CNTNAP2: variants seen among roughly 807,000 people sequenced by gnomAD.
CNTNAP2 encodes the protein contactin-associated protein-like 2.
Under a neutral mutation model 155.2 loss-of-function variants are expected in CNTNAP2, and 98 were observed. The observed-to-expected ratio is 0.63, with a 90% CI of 0.54 to 0.75. The LOEUF is 0.75. CNTNAP2 is among the 30% of genes least tolerant of loss of function. The pLI, the probability that CNTNAP2 is intolerant of heterozygous loss-of-function variation, is 0.00. For synonymous variants in CNTNAP2, 651 were observed against 631.2 expected (o/e 1.03, Z -0.47); for missense variants, 1,727 against 1,688.1 (o/e 1.02, Z -0.40).
chr7:147,464,009 T>C (rs993190260), intron 10 of CNTNAP2, among the ~76,000 whole-genome samples: 10 of 148,564 alleles, frequency 6.7e-5, no homozygotes, highest in South Asian at 4.3e-4. Flanking sequence ...AGAGAGAATG[T>C]GTCTGGCCAA....
At chr7:147,670,703 T>A (rs1158217020) in intron 13 of CNTNAP2, among the ~76,000 whole-genome samples, 1 of 152,174 alleles carries the variant, frequency 6.6e-6, no homozygotes, top group Non-Finnish European at 1.5e-5. Context: ...CCCTTCCAAC[T>A]GAAAGCCACT....
At chr7:148,054,531 G>C (rs1309504626) in intron 15 of CNTNAP2, among the ~76,000 whole-genome samples, 6 of 146,336 alleles carry the variant, frequency 4.1e-5, no homozygotes, top group Middle Eastern at 3.7e-3. Flanking sequence ...TAGAGTGCTA[G>C]GCATTCTGGG....
intron 8 of CNTNAP2, among the ~76,000 whole-genome samples, chr7:147,137,353 A>G (rs1052398868): frequency 6.6e-6 from 1 of 151,414 alleles, no homozygotes; most frequent in African/African-American, 2.4e-5. Flanking sequence ...ATTCCAAATC[A>G]GAATGAAATA....
chr7:148,103,386 C>T (rs945507231), intron 15 of CNTNAP2, among the ~76,000 whole-genome samples: 2 of 152,118 alleles, frequency 1.3e-5, no homozygotes, highest in African/African-American at 2.4e-5. Context: ...CCAGGCACCA[C>T]TTATGCAGTC....
At chr7:147,961,998 T>G (rs576918276) in intron 14 of CNTNAP2, among the ~76,000 whole-genome samples, 1 of 152,140 alleles carries the variant, frequency 6.6e-6, no homozygotes, top group Non-Finnish European at 1.5e-5. Context: ...ACAAAACAGA[T>G]AGATCCCTGA....
At chr7:146,590,826 G>T (rs1020941892) in intron 1 of CNTNAP2, among the ~76,000 whole-genome samples, 4 of 152,170 alleles carry the variant, frequency 2.6e-5, no homozygotes, top group African/African-American at 9.7e-5. Flanking sequence ...TGCCATTCTT[G>T]ATTGTTGCTG....
At chr7:146,921,540 T>C (rs1425582943) in intron 3 of CNTNAP2, among the ~76,000 whole-genome samples, 1 of 152,156 alleles carries the variant, frequency 6.6e-6, no homozygotes, top group African/African-American at 2.4e-5. Flanking sequence ...TGGGGAGGCC[T>C]CATAATCATG....
chr7:147,176,984 G>T (rs1216531647), intron 8 of CNTNAP2, among the ~76,000 whole-genome samples: 5 of 133,404 alleles, frequency 3.7e-5, no homozygotes, highest in South Asian at 2.3e-4. Flanking sequence ...TAAAATTATA[G>T]ATATAATTCT....
intron 13 of CNTNAP2, among the ~76,000 whole-genome samples, chr7:147,832,204 CATTTA>C (rs982283644): frequency 1.9e-4 from 26 of 137,236 alleles, no homozygotes; most frequent in Non-Finnish European, 3.8e-4. Context: ...ATTATATAAA[CATTTA>C]ATTAAATTAT....
chr7:147,773,111 G>T (rs914471733), intron 13 of CNTNAP2, among the ~76,000 whole-genome samples: 1 of 152,146 alleles, frequency 6.6e-6, no homozygotes, highest in Non-Finnish European at 1.5e-5. Flanking sequence ...CTAGCAGAAG[G>T]CCTAGCATGC....
chr7:146,538,745 C>T (rs781050793), intron 1 of CNTNAP2, among the ~76,000 whole-genome samples: 1 of 151,460 alleles, frequency 6.6e-6, no homozygotes, highest in Non-Finnish European at 1.5e-5. Context: ...CACTGTCCAC[C>T]GAGATGGGAA....
At chr7:147,811,496 A>C (rs1254937219) in intron 13 of CNTNAP2, among the ~76,000 whole-genome samples, 3 of 152,166 alleles carry the variant, frequency 2.0e-5, no homozygotes, top group Non-Finnish European at 4.4e-5. Context: ...GCAGTTCTTG[A>C]AAATATAATA....
intron 1 of CNTNAP2, among the ~76,000 whole-genome samples, chr7:146,458,149 A>T (rs548644148): frequency 4.1e-4 from 62 of 152,192 alleles, no homozygotes; most frequent in African/African-American, 1.4e-3. Context: ...TGTCAGGGGT[A>T]TGTGGGGAGG....
intron 10 of CNTNAP2, among the ~76,000 whole-genome samples, chr7:147,444,715 A>G (rs1797702731): frequency 6.6e-6 from 1 of 152,166 alleles, no homozygotes; most frequent in African/African-American, 2.4e-5. Context: ...ATTGGGCAAG[A>G]GCCAAAGAGG....
chr7:146,616,663 C>A (rs1369615197), intron 1 of CNTNAP2, among the ~76,000 whole-genome samples: 1 of 152,076 alleles, frequency 6.6e-6, no homozygotes, highest in East Asian at 1.9e-4. Context: ...TGCTTAATAC[C>A]CTGTAACATG....
In CNTNAP2 at chr7:147,921,679, T is replaced by C. The variant is rs575721279; in HGVS notation, c.2255+17958T>C. The stretch of plus-strand genomic sequence containing the variant: ...CTTGACTTTTCTCACTTCAGTTTCT[T>C]CATCTTTAAAATGAGAATAGTAATA... On this transcript the variant is annotated intron_variant, in intron 14 of 23. Coordinates refer to ENST00000361727, the MANE Select transcript of CNTNAP2 (RefSeq NM_014141.6). Among the ~76,000 whole-genome samples, 161 of 152,300 alleles carry C rather than the reference T, an allele frequency of 1.1e-3. 3 individuals carry two copies. Among genetic ancestry groups the C allele is most frequent in the Non-Finnish European group, 2.9e-4 (20 of 68,030 alleles).
At chr7:147,175,425 A>G (rs2116486219) in intron 8 of CNTNAP2, among the ~76,000 whole-genome samples, 1 of 152,332 alleles carries the variant, frequency 6.6e-6, no homozygotes, top group Middle Eastern at 3.4e-3. Flanking sequence ...TTCATCTTCT[A>G]TTAAATGCTA....
At chr7:147,639,912 T>C (rs998907878) in intron 13 of CNTNAP2, among the ~76,000 whole-genome samples, 1 of 152,096 alleles carries the variant, frequency 6.6e-6, no homozygotes, top group African/African-American at 2.4e-5. Flanking sequence ...AAAGATATAC[T>C]GGAAATAACT....
intron 11 of CNTNAP2, among the ~76,000 whole-genome samples, chr7:147,506,220 G>A (rs1015569876): frequency 6.6e-6 from 1 of 152,194 alleles, no homozygotes; most frequent in Admixed American, 6.5e-5. Flanking sequence ...AAAGGCTCGG[G>A]TCCTTCAAGT....
Sources: gnomAD v4.1 joint callset for allele counts (sites outside exome capture counted in the v4.1 genomes callset) on GRCh38, gnomAD v4.1.1 for gene constraint, MANE v1.5 for transcripts, NCBI Gene and HGNC (gene_info 2026-07-23, HGNC 2026-07-21) for gene names.